Variants in SPTBN1 observed in about 807,000 individuals in gnomAD.
The protein encoded by SPTBN1 is spectrin beta, non-erythrocytic 1.
In SPTBN1, 32 loss-of-function variants were observed where a neutral mutation model predicts 266.4. The ratio of observed to expected loss-of-function variants is 0.12; its 90% CI spans 0.09 to 0.16. SPTBN1 has a LOEUF of 0.16. Ranked by LOEUF, SPTBN1 falls within the 10% of genes least tolerant of loss-of-function variation. The probability of loss-of-function intolerance (pLI) is 1.00; values close to 1 mark genes in which losing one functional copy is unlikely to be tolerated. For synonymous variants in SPTBN1, 1,336 were observed against 1,162.2 expected, an observed-to-expected ratio of 1.15 and a Z score of -3.04; for missense variants, 2,296 against 3,067.1, an observed-to-expected ratio of 0.75 and a Z score of 5.94.
rs1357312207 is a variant in SPTBN1 at position 54,608,578 on chromosome 2, A to C, written c.301-3583A>C. On this transcript the variant is annotated intron_variant, in intron 3 of 35. Transcript: ENST00000356805. The stretch of plus-strand genomic sequence containing the variant: ...CAGCTCCAGGTGCAGCCTCTACTAG[A>C]GGGGGAGTGATGGGAAATAGGAAGG... Among the ~76,000 whole-genome samples the C allele has an allele frequency of 1.1e-4, 17 of 152,162 alleles. No individual in the cohort carries two copies. The East Asian group carries it at 3.3e-3, about 29-fold the overall frequency.
chr2:54,661,044 CAT>C (rs1210067349), intron 32 of SPTBN1: 1 of 985,298 alleles, frequency 1.0e-6, no homozygotes, highest in Non-Finnish European at 1.2e-6. Flanking sequence ...GGAGCGCTCG[CAT>C]GCCCCCTGGC....
At chr2:54,526,011 C>T (rs779987872) in intron 1 of SPTBN1, among the ~76,000 whole-genome samples, 1 of 152,228 alleles carries the variant, frequency 6.6e-6, no homozygotes, top group Non-Finnish European at 1.5e-5. Flanking sequence ...GAATTACAGG[C>T]GTGAGCCACT....
At chr2:54,494,000 A>G (rs965005657) in intron 1 of SPTBN1, among the ~76,000 whole-genome samples, 1 of 152,224 alleles carries the variant, frequency 6.6e-6, no homozygotes, top group Non-Finnish European at 1.5e-5. Flanking sequence ...AGATAATCAC[A>G]GTGTCATGCT....
chr2:54,532,891 A>G (rs372234593), intron 2 of SPTBN1, among the ~76,000 whole-genome samples: 4 of 152,228 alleles, frequency 2.6e-5, no homozygotes, highest in South Asian at 2.1e-4. Context: ...AACTAGCACA[A>G]ATTTCTTTCC....
rs547267159 is a variant in SPTBN1, at chr2:54,668,885, G to A, written c.*316G>A. 4 of 307,196 alleles carry A rather than the reference G, an allele frequency of 1.3e-5. No individual in the cohort carries two copies. Among genetic ancestry groups the A allele is most frequent in the South Asian group, 6.5e-5 (2 of 30,930 alleles). The allele number at this position is 307,196 out of a possible 1,614,324, so 19.0% of individuals were successfully genotyped here. A position where few individuals can be genotyped will look rare whatever the true frequency, so the allele number is the denominator to read the frequency against. On this transcript the variant is annotated 3_prime_UTR_variant, in exon 36 of 36. Transcript: ENST00000356805. ...TTGGAAATAACCCGCCTCTAGTGCT[G>A]TTGGTATGCAAGGCAGCGGTGCTTA...
intron 2 of SPTBN1, among the ~76,000 whole-genome samples, chr2:54,547,165 C>G (rs1267252375): frequency 6.6e-6 from 1 of 152,190 alleles, no homozygotes; most frequent in Non-Finnish European, 1.5e-5. Context: ...ATTCTACTTT[C>G]TCTTTCCATG....
chr2:54,558,624 C>G lies in SPTBN1; in HGVS notation c.148+32058C>G. ...CTAAGGTGGACTCTCTTGCAGCCAA[C>G]TTCCCATCAGATCACCCTGCTGGAC... On this transcript the variant is annotated intron_variant, in intron 2 of 35. Transcript: ENST00000356805. The surrounding 1 kb of genome is among the most constrained non-coding windows in gnomAD (Gnocchi z 4.6). The G allele has an allele frequency of 7.5e-6, 11 of 1,457,618 alleles. No individual in the cohort carries two copies. The highest frequency in any genetic ancestry group is 1.0e-5 in the Non-Finnish European group (11 of 1,104,170). The allele number at this position is 1,457,618 out of a possible 1,614,324, so 90.3% of individuals were successfully genotyped here.
intron 2 of SPTBN1, among the ~76,000 whole-genome samples, chr2:54,593,990 G>C (rs1448848612): frequency 6.6e-6 from 1 of 151,760 alleles, no homozygotes; most frequent in East Asian, 1.9e-4. Flanking sequence ...GTGCCACCAT[G>C]CCCGGCTAAT....
At chr2:54,652,008 C>A (rs184316830) in intron 26 of SPTBN1, among the ~76,000 whole-genome samples, 23 of 152,260 alleles carry the variant, frequency 1.5e-4, no homozygotes, top group African/African-American at 4.6e-4. Context: ...TCCGTACCCC[C>A]CCGCCTTTTA....
At chr2:54,504,724 G>T (rs1429758782) in intron 1 of SPTBN1, among the ~76,000 whole-genome samples, 1 of 152,116 alleles carries the variant, frequency 6.6e-6, no homozygotes, top group Non-Finnish European at 1.5e-5. Context: ...ATTGCCCATG[G>T]GTAGTGAGGG....
chr2:54,458,441 A>G (rs1693186268), intron 1 of SPTBN1, among the ~76,000 whole-genome samples: 1 of 152,164 alleles, frequency 6.6e-6, no homozygotes, highest in Non-Finnish European at 1.5e-5. Context: ...TGGGGGCTAA[A>G]TTGGTATTCA....
Position 54,671,164 on chromosome 2 carries a change from GT to G in SPTBN1, c.*2596del, listed in dbSNP as rs1681670450. 1 of 182,398 alleles carries G rather than the reference GT, an allele frequency of 5.5e-6. No homozygotes were observed. 11.3% of individuals were successfully genotyped at this position (182,398 alleles called of 1,614,324 possible). A position where few individuals can be genotyped will look rare whatever the true frequency, so the allele number is the denominator to read the frequency against. On this transcript the variant is annotated 3_prime_UTR_variant, in exon 36 of 36. Coordinates refer to ENST00000356805, the MANE Select transcript of SPTBN1 (RefSeq NM_003128.3). ...GTCACTTGAATCAAGGCCACTTTTT[GT>G]CCTACTTGAGCATCTCAAGTTGGGA...
At chr2:54,667,405 G>A (rs1035789268) in intron 34 of SPTBN1, among the ~76,000 whole-genome samples, 199 bp from the exon 35 acceptor site, 2 of 152,090 alleles carry the variant, frequency 1.3e-5, no homozygotes, top group Non-Finnish European at 2.9e-5. Context: ...TATCATTGGC[G>A]CGATTATATG....
At chr2:54,530,233 C>T (rs547651236) in intron 2 of SPTBN1, among the ~76,000 whole-genome samples, 3 of 151,764 alleles carry the variant, frequency 2.0e-5, no homozygotes, top group Non-Finnish European at 4.4e-5. Context: ...GTGCCCTTTA[C>T]TAAGCTGCTT....
At chr2:54,620,128 T>C (rs1365086571) in intron 7 of SPTBN1, among the ~76,000 whole-genome samples, 1 of 152,234 alleles carries the variant, frequency 6.6e-6, no homozygotes, top group Non-Finnish European at 1.5e-5. Context: ...CCACCTGCTT[T>C]GCGCAGGACA....
Position 54,630,027 on chromosome 2 carries a change from A to G in SPTBN1, c.2805A>G (p.Thr935=). Residue 935 remains threonine, a splice_region_variant and synonymous_variant, in exon 15 of 36, where the codon ACA becomes ACG. Coordinates refer to ENST00000356805, the MANE Select transcript of SPTBN1 (RefSeq NM_003128.3). ...AAGCCCAGCAGGACAAACTCAACACAAGGTGAGCACGTGGCCAGCAGTGTG... is the reference window on the plus strand; with the variant it reads ...AAGCCCAGCAGGACAAACTCAACACGAGGTGAGCACGTGGCCAGCAGTGTG... ...EIKAQQDKLN[T]RWSQFRELVD... 1 of 1,613,584 alleles carries G rather than the reference A, an allele frequency of 6.2e-7. No homozygotes were observed. Among genetic ancestry groups the G allele is most frequent in the South Asian group, 1.1e-5 (1 of 91,014 alleles).
chr2:54,653,918 A>G lies in SPTBN1; in HGVS notation c.5822+65A>G. On this transcript the variant is annotated intron_variant, in intron 27 of 35. Transcript: ENST00000356805. The surrounding 1 kb of genome is among the most constrained non-coding windows in gnomAD (Gnocchi z 5.1). ...CTTGGTTAAAACACAGGAGTCTTCCAGAGAGAAGCAGGAGCCTTGAAAGCG... is the reference window on the plus strand; with the variant it reads ...CTTGGTTAAAACACAGGAGTCTTCCGGAGAGAAGCAGGAGCCTTGAAAGCG... 1.9e-6 allele frequency: 3 copies of G among 1,575,174 alleles called. No homozygotes were observed. The highest frequency in any genetic ancestry group is 2.6e-6 in the Non-Finnish European group (3 of 1,168,196).
Position 54,508,179 on chromosome 2 carries a change from G to A in SPTBN1, c.-47-18193G>A, listed in dbSNP as rs1187287656. ...GACTAGTAAAGGCCGGTCCGTTATCGGACTGTATAGAGGTGAGAAGGCCAA... is the reference window on the plus strand; with the variant it reads ...GACTAGTAAAGGCCGGTCCGTTATCAGACTGTATAGAGGTGAGAAGGCCAA... On this transcript the variant is annotated intron_variant, in intron 1 of 35. Coordinates refer to ENST00000356805, the MANE Select transcript of SPTBN1 (RefSeq NM_003128.3). Among the ~76,000 whole-genome samples the A allele has an allele frequency of 5.3e-5, 8 of 152,200 alleles. No individual in the cohort carries two copies. In the Middle Eastern group the frequency reaches 0.024, roughly 453 times the overall value.
intron 18 of SPTBN1, among the ~76,000 whole-genome samples, chr2:54,640,161 C>G (rs576560654): frequency 6.6e-6 from 1 of 152,276 alleles, no homozygotes; most frequent in Admixed American, 6.5e-5. Context: ...AAATACACCC[C>G]TTTTAAGCCA....
Sources: gnomAD v4.1 joint callset for allele counts (sites outside exome capture counted in the v4.1 genomes callset) on GRCh38, gnomAD v4.1.1 for gene constraint, Gnocchi (gnomAD v3.1) non-coding constraint, MANE v1.5 for transcripts, NCBI Gene and HGNC (gene_info 2026-07-23, HGNC 2026-07-21) for gene names.